SORCS1: variants seen among roughly 807,000 people sequenced by gnomAD.
SORCS1 encodes the protein sortilin related VPS10 domain containing receptor 1, also known as VPS10 domain-containing receptor SorCS1.
SORCS1 carries 60 observed loss-of-function variants against 146.1 expected under a neutral mutation model. The ratio of observed to expected loss-of-function variants is 0.41; its 90% CI spans 0.33 to 0.51. SORCS1 has a LOEUF of 0.51. Among genes scored for constraint, SORCS1 ranks in the 20% least tolerant of loss-of-function variants. The pLI, the probability that SORCS1 is intolerant of heterozygous loss-of-function variation, is 0.21. For missense variants in SORCS1, 1,352 were observed against 1,487.6 expected (o/e 0.91, Z 1.50); for synonymous variants, 637 against 584.0 (o/e 1.09, Z -1.31).
chr10:106,848,762 C>T (rs200320374), intron 2 of SORCS1, among the ~76,000 whole-genome samples: 31,066 of 140,842 alleles, frequency 0.22, 3,869 homozygotes, highest in Non-Finnish European at 0.31. Flanking sequence ...CCTTCAGGAG[C>T]TCTTTTAGGG....
intron 3 of SORCS1, among the ~76,000 whole-genome samples, chr10:106,794,788 C>T (rs932131883): frequency 1.3e-5 from 2 of 152,140 alleles, no homozygotes; most frequent in Non-Finnish European, 2.9e-5. Context: ...CAGGCGTGAG[C>T]CACCACACCG....
intron 24 of SORCS1, among the ~76,000 whole-genome samples, chr10:106,589,757 T>C (rs569452594): frequency 1.5e-3 from 224 of 147,744 alleles, no homozygotes; most frequent in Non-Finnish European, 2.8e-3. Context: ...ACTAAACAAA[T>C]TACCATATCT....
At chr10:106,866,665 C>G (rs1188950048) in intron 2 of SORCS1, among the ~76,000 whole-genome samples, 2 of 152,184 alleles carry the variant, frequency 1.3e-5, no homozygotes, top group African/African-American at 2.4e-5. Flanking sequence ...GGAAGCCACA[C>G]AACCGAGCAA....
chr10:106,623,490 C>G (rs927572723), intron 19 of SORCS1, among the ~76,000 whole-genome samples: 1 of 151,822 alleles, frequency 6.6e-6, no homozygotes, highest in African/African-American at 2.4e-5. Flanking sequence ...GTGATCCGCC[C>G]GCCTCGGCCT....
rs760470512 is a variant in SORCS1 at position 106,620,568 on chromosome 10, C to A, written c.2663-7G>T. On this transcript the variant is annotated splice_polypyrimidine_tract_variant and splice_region_variant and intron_variant, in intron 19 of 25. Transcript: ENST00000263054. ...TGCACGTGCTCCAAGGGACCTGAGGCACAAGAGAAAGAGAGGCCATGGATG... is the reference window on the plus strand; with the variant it reads ...TGCACGTGCTCCAAGGGACCTGAGGAACAAGAGAAAGAGAGGCCATGGATG... 2 of 1,613,118 alleles carry A rather than the reference C, an allele frequency of 1.2e-6. No homozygotes were observed. Among genetic ancestry groups the A allele is most frequent in the Non-Finnish European group, 1.7e-6 (2 of 1,179,414 alleles).
At chr10:106,867,526 G>A (rs926747050) in intron 2 of SORCS1, among the ~76,000 whole-genome samples, 8 of 152,018 alleles carry the variant, frequency 5.3e-5, no homozygotes, top group South Asian at 2.1e-4. Context: ...CTCGTGATCC[G>A]CCCGCCTTGG....
chr10:107,056,724 C>G (rs1274082955), intron 1 of SORCS1, among the ~76,000 whole-genome samples: 1 of 152,178 alleles, frequency 6.6e-6, no homozygotes, highest in Non-Finnish European at 1.5e-5. Context: ...TTTGCAAATG[C>G]AATGGTAAAA....
At chr10:107,170,039 T>C in the SORCS1 span, among the ~76,000 whole-genome samples, 1 of 152,204 alleles carries the variant, frequency 6.6e-6, no homozygotes, top group Non-Finnish European at 1.5e-5. Context: ...AAAAATATAC[T>C]ATGATTAAAT....
At chr10:106,620,155 G>GGCT in intron 20 of SORCS1, 1 of 296,960 alleles carries the variant, frequency 3.4e-6, no homozygotes, top group South Asian at 8.3e-5. Flanking sequence ...GCTAAGCTAG[G>GGCT]GCTGCTAAGA....
At chr10:107,140,168 T>C (rs1326639833) in intron 1 of SORCS1, among the ~76,000 whole-genome samples, 1 of 152,246 alleles carries the variant, frequency 6.6e-6, no homozygotes, top group Non-Finnish European at 1.5e-5. Context: ...AATACATGTA[T>C]ATTTATGTTT....
At chr10:106,895,422 C>T (rs1951429763) in intron 2 of SORCS1, among the ~76,000 whole-genome samples, 1 of 152,146 alleles carries the variant, frequency 6.6e-6, no homozygotes, top group Non-Finnish European at 1.5e-5. Flanking sequence ...ACCAGCCTGA[C>T]AAACATGGTA....
At chr10:106,788,718 C>T (rs1946176963) in intron 3 of SORCS1, among the ~76,000 whole-genome samples, 1 of 152,210 alleles carries the variant, frequency 6.6e-6, no homozygotes. Context: ...GCACCCCTCC[C>T]ACACCAGCTG....
At chr10:106,733,148 A>G in intron 5 of SORCS1, among the ~76,000 whole-genome samples, 1 of 151,710 alleles carries the variant, frequency 6.6e-6, no homozygotes, top group East Asian at 1.9e-4. Context: ...AAAGAAAAAG[A>G]AAAAAAAGAG....
intron 2 of SORCS1, among the ~76,000 whole-genome samples, chr10:106,925,490 G>A (rs1486148335): frequency 1.3e-5 from 2 of 152,084 alleles, no homozygotes; most frequent in African/African-American, 4.8e-5. Flanking sequence ...CCCTCCTGAT[G>A]GTCTCAAGCT....
intron 10 of SORCS1, among the ~76,000 whole-genome samples, chr10:106,685,444 A>T (rs1852758794): frequency 6.6e-6 from 1 of 152,188 alleles, no homozygotes. Context: ...TTCAGATAAC[A>T]ATAAGGACCA....
intron 4 of SORCS1, among the ~76,000 whole-genome samples, chr10:106,771,465 G>T (rs994809423): frequency 6.6e-6 from 1 of 152,184 alleles, no homozygotes; most frequent in African/African-American, 2.4e-5. Context: ...AAGAAAGTCA[G>T]CTAGCAATGA....
At chr10:107,034,310 T>C (rs1958793853) in intron 1 of SORCS1, among the ~76,000 whole-genome samples, 1 of 152,096 alleles carries the variant, frequency 6.6e-6, no homozygotes, top group Admixed American at 6.6e-5. Context: ...GCACAGACAC[T>C]GCTTCATCAG....
intron 19 of SORCS1, among the ~76,000 whole-genome samples, chr10:106,627,815 T>A (rs1848199268): frequency 6.6e-6 from 1 of 152,222 alleles, no homozygotes; most frequent in South Asian, 2.1e-4. Context: ...CCCAAGCCGC[T>A]CTTGGCACTG....
chr10:106,621,513 C>G (rs1847743199), intron 19 of SORCS1, among the ~76,000 whole-genome samples: 1 of 151,630 alleles, frequency 6.6e-6, no homozygotes, highest in Non-Finnish European at 1.5e-5. Context: ...GACTTTTCTA[C>G]TAGGCAACAC....
Sources: allele counts gnomAD v4.1 joint callset (sites outside exome capture counted in the v4.1 genomes callset), GRCh38; gene constraint gnomAD v4.1.1; transcripts MANE v1.5; gene names NCBI Gene and HGNC (gene_info 2026-07-23, HGNC 2026-07-21).